CNOT3: variants seen among roughly 807,000 people sequenced by gnomAD.
CNOT3 encodes the protein CCR4-NOT transcription complex subunit 3.
A neutral mutation model predicts 89.4 loss-of-function variants in CNOT3; 2 were observed. That is an observed-to-expected ratio of 0.02 (90% CI 0.01 to 0.07). The LOEUF (loss-of-function observed/expected upper bound fraction) is 0.07, where lower values mean the gene tolerates loss of function less well. CNOT3 is among the 10% of genes least tolerant of loss of function. The pLI, the probability that CNOT3 is intolerant of heterozygous loss-of-function variation, is 1.00. For synonymous variants in CNOT3, 486 were observed against 402.0 expected (o/e 1.21, Z -2.50); for missense variants, 664 against 1,010.2 (o/e 0.66, Z 4.65).
chr19:54,139,982 T>C (rs2146529554), intron 1 of CNOT3, among the ~76,000 whole-genome samples: 1 of 152,240 alleles, frequency 6.6e-6, no homozygotes, highest in Admixed American at 6.5e-5. Flanking sequence ...CAACATCACT[T>C]CTCAGAGCTC....
Position 54,148,899 on chromosome 19 carries a change from C to T in CNOT3, c.1406+156C>T, listed in dbSNP as rs1348698080. Among the ~76,000 whole-genome samples the T allele has an allele frequency of 1.3e-5, 2 of 152,220 alleles. No homozygotes were observed. The highest frequency in any genetic ancestry group is 2.9e-5 in the Non-Finnish European group (2 of 68,032). ...TCCATCTCCCTCGGGTGTTACACCC[C>T]CACTTCTTTCCAGCAAGGAAACTAC... On this transcript the variant is annotated intron_variant, in intron 12 of 17. Transcript: ENST00000221232. This position sits in a 1 kb window ranked among gnomAD's most constrained non-coding sequence, Gnocchi z 6.3.
intron 13 of CNOT3, among the ~76,000 whole-genome samples, chr19:54,150,569 T>TGCCCAGGCTGTCCAGGAGGCAGTGTGTGC (rs2075023269): frequency 7.3e-6 from 1 of 137,500 alleles, no homozygotes; most frequent in Non-Finnish European, 1.6e-5. Context: ...CCAGTGTGTA[T>TGCCCAGGCTGTCCAGGAGGCAGTGTGTGC]GCCCAGGCTG....
At chr19:54,143,342 T>TGGGGGTGGGGGGGGG in intron 3 of CNOT3, 100 bp from the exon 4 acceptor site, 1 of 946,668 alleles carries the variant, frequency 1.1e-6, no homozygotes. Context: ...GGGTAGGGGT[T>TGGGGGTGGGGGGGGG]GGGGGGGGTC....
rs1363840034 is a variant in CNOT3 at position 54,153,005 on chromosome 19, G to A, written c.2037+6G>A. 11 of 1,601,846 alleles carry A rather than the reference G, an allele frequency of 6.9e-6. No homozygotes were observed. Among genetic ancestry groups the A allele is most frequent in the Non-Finnish European group, 9.4e-6 (11 of 1,171,250 alleles). ...TCATCTTCTACTATCTGGAGGTACA[G>A]CAGGGCCCCCGGGGCAGCCTCGGGC... On this transcript the variant is annotated splice_donor_region_variant and intron_variant, in intron 16 of 17. Transcript: ENST00000221232.
Position 54,152,481 on chromosome 19 carries a change from C to G in CNOT3, c.1759C>G (p.Gln587Glu). ...TCCGGCCTCAGCCCAGCCGCCCCTG[C>G]AGCTGTCAGAGGTGAACATACCGCT... Reference protein sequence around the residue: ...APPASAQPPLQLSEVNIPLSL... With the variant: ...APPASAQPPLELSEVNIPLSL... Residue 587 changes from glutamine to glutamate, a missense_variant, in exon 15 of 18, where the codon CAG becomes GAG. By Grantham distance (29) the Gln-to-Glu change is conservative. This residue lies in a region of CNOT3 where 545 missense variants were observed against 566.2 expected (regional missense o/e 0.96). Coordinates refer to ENST00000221232, the MANE Select transcript of CNOT3 (RefSeq NM_014516.4). 1 of 1,614,224 alleles carries G rather than the reference C, an allele frequency of 6.2e-7. No individual in the cohort carries two copies. The highest frequency in any genetic ancestry group is 8.5e-7 in the Non-Finnish European group (1 of 1,180,038).
chr19:54,140,726 C>G (rs1338807055), intron 1 of CNOT3, among the ~76,000 whole-genome samples: 1 of 152,204 alleles, frequency 6.6e-6, no homozygotes, highest in Non-Finnish European at 1.5e-5. Flanking sequence ...CGATGTCACA[C>G]TGTTCTGTCT....
chr19:54,148,866 C>T lies in CNOT3; in HGVS notation c.1406+123C>T, dbSNP rs1474582552. The T allele has an allele frequency of 1.2e-5, 10 of 802,864 alleles. No individual in the cohort carries two copies. Among genetic ancestry groups the T allele is most frequent in the South Asian group, 3.6e-5 (2 of 55,238 alleles). 49.7% of individuals were successfully genotyped at this position (802,864 alleles called of 1,614,324 possible). On this transcript the variant is annotated intron_variant, in intron 12 of 17. Transcript: ENST00000221232. The surrounding 1 kb of genome is among the most constrained non-coding windows in gnomAD (Gnocchi z 6.3). ...GCCCTTGCTGCTGGGAATGGCCAAG[C>T]GCTATCCTCCATCTCCCTCGGGTGT...
At chr19:54,146,233 T>C (rs1285036164) in intron 9 of CNOT3, among the ~76,000 whole-genome samples, 190 bp downstream of exon 9, 2 of 152,036 alleles carry the variant, frequency 1.3e-5, no homozygotes, top group East Asian at 1.9e-4. Flanking sequence ...TAAAGAGCAA[T>C]AGGGTGCATC....
intron 1 of CNOT3, among the ~76,000 whole-genome samples, chr19:54,139,652 G>T (rs764923347): frequency 7.9e-5 from 12 of 152,152 alleles, no homozygotes; most frequent in Non-Finnish European, 1.8e-4. Context: ...ACCCCTCTCG[G>T]ATGCAGGTGC....
At chr19:54,142,718 T>C (rs1309467715) in intron 1 of CNOT3, 2 of 590,904 alleles carry the variant, frequency 3.4e-6, no homozygotes, top group African/African-American at 1.9e-5. Context: ...CTTTTCTTGT[T>C]TCAACAAACT....
chr19:54,150,424 G>GA (rs1456310881), intron 13 of CNOT3, among the ~76,000 whole-genome samples: 1 of 152,178 alleles, frequency 6.6e-6, no homozygotes, highest in Non-Finnish European at 1.5e-5. Flanking sequence ...CACTCTGCAG[G>GA]AGACAGTGCC....
rs1245598533 is a variant in CNOT3, at chr19:54,152,639, A to G, written c.1904+13A>G. 1.3e-6 allele frequency: 2 copies of G among 1,599,192 alleles called. No homozygotes were observed. Among genetic ancestry groups the G allele is most frequent in the Non-Finnish European group, 8.6e-7 (1 of 1,168,882 alleles). ...CTGAGCGTATTCGGTGAGGGGCCAC[A>G]GGGAAGGGGGATGGTCTGGGACTTG... On this transcript the variant is annotated intron_variant, in intron 15 of 17. Coordinates refer to ENST00000221232, the MANE Select transcript of CNOT3 (RefSeq NM_014516.4).
rs1401113559 is a variant in CNOT3 at position 54,143,553 on chromosome 19, G to C, written c.168+37G>C. On this transcript the variant is annotated intron_variant, in intron 4 of 17. Transcript: ENST00000221232. ...GGGGGCCTGGACGCCTTTGTCCTGA[G>C]GGTAGAGGGAACTGGGAGAGTGGAC... The C allele has an allele frequency of 6.2e-6, 10 of 1,610,972 alleles. No homozygotes were observed. In the Admixed American group the frequency reaches 1.2e-4, roughly 19 times the overall value.
rs1335833047 is a variant in CNOT3, at chr19:54,152,446, C to T, written c.1724C>T (p.Thr575Ile). 6.2e-7 allele frequency: 1 copy of T among 1,614,192 alleles called. No homozygotes were observed. The highest frequency in any genetic ancestry group is 8.5e-7 in the Non-Finnish European group (1 of 1,180,028). ...CCCACAGACATCATCCTGAGCAGTA[C>T]ATCAGCACCTCCGGCCTCAGCCCAG... ...LTERDIILSSTSAPPASAQPP... is the reference protein window; with the variant it reads ...LTERDIILSSISAPPASAQPP... The change falls in exon 15 of 18, where the codon ACA becomes ATA. Residue 575 changes from threonine to isoleucine, a missense_variant. By Grantham distance (89) the Thr-to-Ile change is moderately conservative. Transcript: ENST00000221232.
intron 13 of CNOT3, among the ~76,000 whole-genome samples, chr19:54,150,438 A>G (rs11668868): frequency 0.27 from 41,539 of 152,154 alleles, 6,902 homozygotes; most frequent in Non-Finnish European, 0.37. Context: ...CAGTGCCACC[A>G]GCTGCAGGGC....
intron 10 of CNOT3, among the ~76,000 whole-genome samples, 181 bp downstream of exon 10, chr19:54,146,838 A>AG (rs1480822061): frequency 6.6e-6 from 1 of 152,184 alleles, no homozygotes; most frequent in Non-Finnish European, 1.5e-5. Context: ...GCTGTGGTCA[A>AG]GGGGGTAGCA....
rs201217351 is a variant in CNOT3, at chr19:54,152,880, C to T, written c.1918C>T (p.Arg640Trp). The T allele has an allele frequency of 2.0e-6, 3 of 1,479,804 alleles. No homozygotes were observed. The highest frequency in any genetic ancestry group is 2.8e-6 in the Non-Finnish European group (3 of 1,076,728). 91.7% of individuals were successfully genotyped at this position (1,479,804 alleles called of 1,614,324 possible). A position where few individuals can be genotyped will look rare whatever the true frequency, so the allele number is the denominator to read the frequency against. Residue 640 changes from arginine to tryptophan, a missense_variant, in exon 16 of 18, where the codon CGG (arginine) becomes TGG (tryptophan). By Grantham distance (101) the Arg-to-Trp change is moderately radical. This residue lies in a region of CNOT3 where 545 missense variants were observed against 566.2 expected (regional missense o/e 0.96). Transcript: ENST00000221232. ...DSERIRQYLPRNPCPTPPYHH... is the reference protein window; with the variant it reads ...DSERIRQYLPWNPCPTPPYHH... The stretch of plus-strand genomic sequence containing the variant: ...TTGCTCTCACAGGCAGTACCTCCCC[C>T]GGAACCCCTGTCCGACGCCCCCCTA...
rs777576063 is a variant in CNOT3 at position 54,145,973 on chromosome 19, A to G, written c.767A>G (p.Gln256Arg). ...CACATGGAGGATGAGATCTTCAACC[A>G]GTCCAGCAGCACGCCCACCTCAACC... ...HSHMEDEIFN[Q>R]SSSTPTSTTS... The change falls in exon 9 of 18, where the codon CAG (glutamine) becomes CGG (arginine). Residue 256 changes from glutamine to arginine, a missense_variant. Physicochemically the swap from Gln to Arg is conservative, Grantham distance 43. This residue lies in a region of CNOT3 where 545 missense variants were observed against 566.2 expected (regional missense o/e 0.96). Coordinates refer to ENST00000221232, the MANE Select transcript of CNOT3 (RefSeq NM_014516.4). This position sits in a 1 kb window ranked among gnomAD's most constrained non-coding sequence, Gnocchi z 5.9. The G allele has an allele frequency of 1.2e-6, 2 of 1,613,906 alleles. No individual in the cohort carries two copies. The highest frequency in any genetic ancestry group is 1.1e-5 in the South Asian group (1 of 91,078).
intron 3 of CNOT3, 107 bp downstream of exon 3, chr19:54,143,293 T>G: frequency 9.0e-7 from 1 of 1,114,228 alleles, no homozygotes; most frequent in Non-Finnish European, 1.3e-6. Flanking sequence ...CATATGCAGA[T>G]GCTGAGGACC....
Sources: allele counts gnomAD v4.1 joint callset (sites outside exome capture counted in the v4.1 genomes callset), GRCh38; gene constraint gnomAD v4.1.1; regional missense constraint gnomAD v4.1.1; non-coding constraint Gnocchi (gnomAD v3.1); transcripts MANE v1.5; gene names NCBI Gene and HGNC (gene_info 2026-07-23, HGNC 2026-07-21).